Variants in CC2D2B observed in about 807,000 individuals in gnomAD.
The protein encoded by CC2D2B is protein CC2D2B.
In CC2D2B, 128 loss-of-function variants were observed where a neutral mutation model predicts 161.2. The observed-to-expected ratio is 0.79, with a 90% CI of 0.69 to 0.92. CC2D2B has a LOEUF of 0.92. Among genes scored for constraint, CC2D2B ranks in the 40% least tolerant of loss-of-function variants. The probability of loss-of-function intolerance (pLI) is 0.00; values close to 1 mark genes in which losing one functional copy is unlikely to be tolerated. For missense variants in CC2D2B, 1,173 were observed against 1,375.1 expected (o/e 0.85, Z 2.32); for synonymous variants, 391 against 449.8 (o/e 0.87, Z 1.65).
At chr10:95,965,785 TTG>T (rs59230785) in intron 12 of CC2D2B, 109 bp from the exon 13 acceptor site, 39,940 of 333,956 alleles carry the variant, frequency 0.12, 102 homozygotes, top group Non-Finnish European at 0.14. Flanking sequence ...GAGATTGGTT[TTG>T]TGTGTGTGTG....
intron 6 of CC2D2B, among the ~76,000 whole-genome samples, chr10:95,930,863 C>A (rs534222801): frequency 3.9e-5 from 6 of 152,212 alleles, no homozygotes; most frequent in African/African-American, 1.4e-4. Context: ...TGTTGTGTCC[C>A]TGACAGGTTT....
At chr10:95,953,077 A>G (rs549070308) in intron 10 of CC2D2B, among the ~76,000 whole-genome samples, 2 of 152,166 alleles carry the variant, frequency 1.3e-5, no homozygotes, top group South Asian at 2.1e-4. Context: ...TTAATTCACA[A>G]GTTAAAAAAG....
intron 15 of CC2D2B, among the ~76,000 whole-genome samples, chr10:95,969,849 C>T (rs1307814958): frequency 6.6e-6 from 1 of 152,026 alleles, no homozygotes; most frequent in Non-Finnish European, 1.5e-5. Flanking sequence ...AATCTGCCTC[C>T]CCAAATAGGT....
At chr10:96,014,802 A>G (rs1289106862) in intron 29 of CC2D2B, among the ~76,000 whole-genome samples, 1 of 152,108 alleles carries the variant, frequency 6.6e-6, no homozygotes, top group Non-Finnish European at 1.5e-5. Flanking sequence ...AATGAAGACT[A>G]TTGTTATTCT....
chr10:95,992,497 T>A, intron 21 of CC2D2B, 30 bp from the exon 22 acceptor site: 1 of 1,231,956 alleles, frequency 8.1e-7, no homozygotes, highest in Non-Finnish European at 1.0e-6. Context: ...AAAACGTAAA[T>A]GAGGCTAATG....
intron 22 of CC2D2B, among the ~76,000 whole-genome samples, chr10:95,994,803 T>G (rs1466816883): frequency 1.3e-5 from 2 of 152,258 alleles, no homozygotes; most frequent in Non-Finnish European, 2.9e-5. Context: ...AGCTAATGAT[T>G]AATAATGTTT....
At chr10:95,959,989 G>A (rs1303065347) in intron 11 of CC2D2B, among the ~76,000 whole-genome samples, 1 of 152,108 alleles carries the variant, frequency 6.6e-6, no homozygotes, top group African/African-American at 2.4e-5. Context: ...GGAGAATAGT[G>A]TATTTATTTT....
At chr10:96,014,223 C>G (rs2079101496) in intron 29 of CC2D2B, among the ~76,000 whole-genome samples, 1 of 152,154 alleles carries the variant, frequency 6.6e-6, no homozygotes, top group Non-Finnish European at 1.5e-5. Context: ...AAGCTTTCCC[C>G]CATCACCCCC....
chr10:95,928,201 C>T (rs988937337), intron 6 of CC2D2B, among the ~76,000 whole-genome samples: 5 of 150,048 alleles, frequency 3.3e-5, no homozygotes, highest in African/African-American at 1.2e-4. Context: ...TCCTTTCATT[C>T]TCGTTTTGTT....
At position 96,032,227 on chromosome 10, in the gene CC2D2B, GA is replaced by G. The variant is rs1043422764; in HGVS notation, c.*221del. The G allele has an allele frequency of 1.0e-5, 5 of 484,428 alleles. No homozygotes were observed. Among genetic ancestry groups the G allele is most frequent in the African/African-American group, 9.5e-5 (5 of 52,370 alleles). The allele number at this position is 484,428 out of a possible 1,614,324, so 30.0% of individuals were successfully genotyped here. A position where few individuals can be genotyped will look rare whatever the true frequency, so the allele number is the denominator to read the frequency against. ...AGCTTCTCACCAGAGACCTCTCCAG[GA>G]AGGACCTTTGGATAGTCTGGCTTTC... On this transcript the variant is annotated 3_prime_UTR_variant, in exon 35 of 35. Coordinates refer to ENST00000646931, the MANE Select transcript of CC2D2B (RefSeq NM_001349008.3).
At chr10:95,928,301 C>G (rs546639611) in intron 6 of CC2D2B, among the ~76,000 whole-genome samples, 1 of 152,088 alleles carries the variant, frequency 6.6e-6, no homozygotes, top group African/African-American at 2.4e-5. Flanking sequence ...ATGCAGAAAG[C>G]CACAAGGAAG....
chr10:95,984,386 G>A (rs1376432140), intron 19 of CC2D2B, among the ~76,000 whole-genome samples: 2 of 152,078 alleles, frequency 1.3e-5, no homozygotes, highest in Non-Finnish European at 2.9e-5. Flanking sequence ...TGGTGCTTAC[G>A]GCATTGTGGT....
At chr10:96,006,163 C>G (rs981803231) in intron 25 of CC2D2B, among the ~76,000 whole-genome samples, 2 of 151,344 alleles carry the variant, frequency 1.3e-5, no homozygotes, top group Non-Finnish European at 1.5e-5. Context: ...TCCTCCAGGA[C>G]TACAGTTTTT....
intron 17 of CC2D2B, among the ~76,000 whole-genome samples, chr10:95,981,154 G>A (rs2077505562): frequency 6.6e-6 from 1 of 152,148 alleles, no homozygotes; most frequent in Non-Finnish European, 1.5e-5. Context: ...AGCACTTTGG[G>A]AGGCCAAGGG....
At position 96,031,979 on chromosome 10, in the gene CC2D2B, T is replaced by C. The variant is rs2080084575; in HGVS notation, c.4285T>C (p.Tyr1429His). 1 of 1,613,340 alleles carries C rather than the reference T, an allele frequency of 6.2e-7. No individual in the cohort carries two copies. The highest frequency in any genetic ancestry group is 8.5e-7 in the Non-Finnish European group (1 of 1,179,664). The part of the protein sequence containing the change: ...YPNNILSVWV[Y>H]LASLVQHQ ...AAACAACATATTATCTGTGTGGGTC[T>C]ATTTGGCTTCCTTAGTTCAACATCA... Residue 1429 changes from tyrosine (Y) to histidine (H), a missense_variant, in exon 35 of 35, where the codon TAT becomes CAT. By Grantham distance (83) the Tyr-to-His change is moderately conservative. Transcript: ENST00000646931.
intron 27 of CC2D2B, 36 bp from the exon 28 acceptor site, chr10:96,012,496 C>T (rs3748224): frequency 0.59 from 832,934 of 1,400,638 alleles, 250,310 homozygotes; most frequent in East Asian, 0.81. Context: ...GAGAACAATA[C>T]AGTACAATTC....
At chr10:95,965,785 TTGTGTGTGTGTG>T (rs59230785) in intron 12 of CC2D2B, 99 bp from the exon 13 acceptor site, 31 of 344,380 alleles carry the variant, frequency 9.0e-5, no homozygotes, top group South Asian at 4.7e-4. Flanking sequence ...GAGATTGGTT[TTGTGTGTGTGTG>T]TGTGTGTGTG....
intron 22 of CC2D2B, 29 bp downstream of exon 22, chr10:95,992,726 T>A: frequency 8.2e-7 from 1 of 1,213,614 alleles, no homozygotes. Flanking sequence ...ATTTTTAGAG[T>A]TGCAAAAGGT....
intron 6 of CC2D2B, among the ~76,000 whole-genome samples, chr10:95,932,079 A>G (rs941894853): frequency 2.0e-5 from 3 of 152,184 alleles, no homozygotes; most frequent in Non-Finnish European, 4.4e-5. Flanking sequence ...GGATGCATAT[A>G]TATATTTAGG....
Sources: gnomAD v4.1 joint callset for allele counts (sites outside exome capture counted in the v4.1 genomes callset) on GRCh38, gnomAD v4.1.1 for gene constraint, MANE v1.5 for transcripts, NCBI Gene and HGNC (gene_info 2026-07-23, HGNC 2026-07-21) for gene names.